The following DMD variants were observed in gnomAD, a reference collection of about 807,000 sequenced individuals.
DMD encodes the protein dystrophin, also known as mutant dystrophin.
In DMD, 63 loss-of-function variants were observed where a neutral mutation model predicts 330.1. The observed-to-expected ratio is 0.19, with a 90% CI of 0.16 to 0.24. The LOEUF (loss-of-function observed/expected upper bound fraction) is 0.24, where lower values mean the gene tolerates loss of function less well. Ranked by LOEUF, DMD falls within the 10% of genes least tolerant of loss-of-function variation. The pLI is 1.00. For missense variants in DMD, 3,344 were observed against 2,684.1 expected (o/e 1.25, Z -5.43); for synonymous variants, 1,223 against 959.8 (o/e 1.27, Z -5.07).
At chrX:32,199,830 T>TA (rs2097025736) in intron 44 of DMD, among the ~76,000 whole-genome samples, 63 of 66,252 alleles carry the variant, frequency 9.5e-4, no homozygotes, top group African/African-American at 3.7e-3. Context: ...GTGTGTGTAT[T>TA]TTTAGTAGAG....
At chrX:33,047,175 C>G (rs1264565276) in intron 1 of DMD, among the ~76,000 whole-genome samples, 2 of 112,058 alleles carry the variant, frequency 1.8e-5, no homozygotes, top group African/African-American at 3.2e-5. Context: ...TCATGCTTCT[C>G]TAACTCCATT....
In DMD at chrX:32,500,827, C is replaced by G. The variant is rs1024911702; in HGVS notation, c.2380+928G>C. On this transcript the variant is annotated intron_variant, in intron 19 of 78. Transcript: ENST00000357033. ...AAAATGAATTGATTTTCTAGGAAGACCACTGAACTTTTGAATGCCAAATTT... is the reference window on the plus strand; with the variant it reads ...AAAATGAATTGATTTTCTAGGAAGAGCACTGAACTTTTGAATGCCAAATTT... 9.9e-5 allele frequency among the ~76,000 whole-genome samples: 11 copies of G among 111,479 alleles called. No homozygotes were observed. In the Admixed American group the frequency reaches 1.1e-3, roughly 11 times the overall value.
chrX:31,208,848 C>T (rs1428113486), intron 65 of DMD, among the ~76,000 whole-genome samples: 1 of 106,274 alleles, frequency 9.4e-6, no homozygotes, highest in Non-Finnish European at 1.9e-5. Context: ...TCATTAAGCT[C>T]AAGAAAAAAA....
intron 78 of DMD, among the ~76,000 whole-genome samples, chrX:31,125,845 G>T (rs2033579641): frequency 8.9e-6 from 1 of 111,886 alleles, no homozygotes; most frequent in Non-Finnish European, 1.9e-5. Context: ...AATCGAATTG[G>T]TTATTGTTCT....
At chrX:31,492,352 C>T (rs1369413808) in intron 57 of DMD, among the ~76,000 whole-genome samples, 2 of 111,955 alleles carry the variant, frequency 1.8e-5, no homozygotes, top group African/African-American at 6.5e-5. Context: ...TGCCCATAGG[C>T]TTCAAGAGCA....
intron 1 of DMD, among the ~76,000 whole-genome samples, chrX:33,129,325 CTTT>C (rs58505662): frequency 1.6e-4 from 5 of 30,713 alleles, no homozygotes; most frequent in East Asian, 1.6e-3. Context: ...TTAAGGTTTG[CTTT>C]TTTTTTTTTT....
At chrX:33,212,519 A>G (rs1265148498), upstream of DMD, among the ~76,000 whole-genome samples, 6 of 112,017 alleles carry the variant, frequency 5.4e-5, no homozygotes, top group African/African-American at 1.9e-4. Flanking sequence ...AATCCCTACT[A>G]AAATTTTTGT....
chrX:31,780,501 C>T (rs944569884), intron 50 of DMD, among the ~76,000 whole-genome samples: 1 of 111,888 alleles, frequency 8.9e-6, no homozygotes, highest in African/African-American at 3.2e-5. Flanking sequence ...AGATTGTTAG[C>T]GACTTCCATC....
intron 55 of DMD, among the ~76,000 whole-genome samples, chrX:31,566,378 G>T (rs1445197719): frequency 9.0e-6 from 1 of 111,158 alleles, no homozygotes; most frequent in African/African-American, 3.3e-5. Context: ...AATTGCTTTT[G>T]CAACTTTATC....
chrX:31,227,722 C>A (rs2046758258), intron 63 of DMD, among the ~76,000 whole-genome samples: 1 of 111,104 alleles, frequency 9.0e-6, no homozygotes, highest in Non-Finnish European at 1.9e-5. Context: ...TTGATTCTTC[C>A]TACCCATGAG....
chrX:32,477,232 G>A (rs890034305), intron 21 of DMD, among the ~76,000 whole-genome samples: 3 of 110,185 alleles, frequency 2.7e-5, no homozygotes, highest in Non-Finnish European at 5.7e-5. Flanking sequence ...TTGGAAGCAC[G>A]TGCTGTAAAT....
chrX:32,935,274 G>A (rs1025472739), intron 2 of DMD, among the ~76,000 whole-genome samples: 3 of 112,493 alleles, frequency 2.7e-5, no homozygotes, highest in Admixed American at 1.9e-4. Flanking sequence ...CACCGCGCCC[G>A]GCCTCCCTGA....
intron 55 of DMD, among the ~76,000 whole-genome samples, chrX:31,605,048 C>T (rs906320215): frequency 9.0e-6 from 1 of 111,443 alleles, no homozygotes; most frequent in Non-Finnish European, 1.9e-5. Context: ...ATGTACAAAC[C>T]CCACCAGCCA....
intron 37 of DMD, among the ~76,000 whole-genome samples, chrX:32,354,844 A>G (rs1026231354): frequency 1.8e-5 from 2 of 111,466 alleles, no homozygotes; most frequent in Non-Finnish European, 3.8e-5. Context: ...TGCAAAATAT[A>G]TTCGTGGGTC....
intron 51 of DMD, among the ~76,000 whole-genome samples, chrX:31,739,216 A>G (rs2087110311): frequency 9.0e-6 from 1 of 111,540 alleles, no homozygotes; most frequent in Non-Finnish European, 1.9e-5. Flanking sequence ...TACACCTGCT[A>G]GGTACTCACA....
At chrX:31,902,804 A>C (rs1447252279) in intron 47 of DMD, among the ~76,000 whole-genome samples, 2 of 111,827 alleles carry the variant, frequency 1.8e-5, no homozygotes, top group Non-Finnish European at 3.8e-5. Flanking sequence ...CTGGGTGTGT[A>C]AAATAGACTC....
intron 4 of DMD, among the ~76,000 whole-genome samples, chrX:32,842,238 A>G (rs16990704): frequency 0.031 from 3,535 of 112,236 alleles, 108 homozygotes; most frequent in African/African-American, 0.1. Context: ...CACACTGTCC[A>G]CACTGATTAT....
At chrX:31,897,601 T>G (rs201242164) in intron 47 of DMD, among the ~76,000 whole-genome samples, 20,310 of 85,802 alleles carry the variant, frequency 0.24, 3,114 homozygotes, top group African/African-American at 0.51. Flanking sequence ...CCTGACTTTT[T>G]AATGATTGCC....
At chrX:31,546,182 G>A (rs770568536) in intron 55 of DMD, among the ~76,000 whole-genome samples, 2 of 112,571 alleles carry the variant, frequency 1.8e-5, no homozygotes, top group Non-Finnish European at 3.8e-5. Context: ...ATATTTATGA[G>A]TACTTAATTG....
Sources: gnomAD v4.1 joint callset for allele counts (sites outside exome capture counted in the v4.1 genomes callset) on GRCh38, gnomAD v4.1.1 for gene constraint, MANE v1.5 for transcripts, NCBI Gene and HGNC (gene_info 2026-07-23, HGNC 2026-07-21) for gene names.